The following SRSF7 variants were observed in gnomAD, a reference collection of about 807,000 sequenced individuals.
SRSF7 encodes serine and arginine rich splicing factor 7.
SRSF7 carries 15 observed loss-of-function variants against 42.2 expected under a neutral mutation model. That is an observed-to-expected ratio of 0.36 (90% confidence interval 0.24 to 0.55). SRSF7 has a LOEUF of 0.55. Among genes scored for constraint, SRSF7 ranks in the 20% least tolerant of loss-of-function variants. The pLI, the probability that SRSF7 is intolerant of heterozygous loss-of-function variation, is 0.88. For missense variants in SRSF7, 181 were observed against 305.9 expected (o/e 0.59, Z 3.04); for synonymous variants, 138 against 107.9 (o/e 1.28, Z -1.73).
intron 6 of SRSF7, 44 bp from the exon 7 acceptor site, chr2:38,746,223 A>G (rs754875989): frequency 1.2e-6 from 2 of 1,604,554 alleles, no homozygotes; most frequent in East Asian, 4.5e-5. Context: ...AGTACTAACC[A>G]ATCCCTTTCT....
chr2:38,748,025 A>G, intron 5 of SRSF7, 22 bp downstream of exon 5: 1 of 1,559,828 alleles, frequency 6.4e-7, no homozygotes, highest in Non-Finnish European at 8.8e-7. Context: ...AAACACAAGT[A>G]AGGAAAAAAA....
chr2:38,748,028 G>C lies in SRSF7; in HGVS notation c.572+19C>G. 1 of 1,578,208 alleles carries C rather than the reference G, an allele frequency of 6.3e-7. No individual in the cohort carries two copies. The highest frequency in any genetic ancestry group is 1.3e-5 in the African/African-American group (1 of 74,274). ...TGTGAACAATCCAAACACAAGTAAG[G>C]AAAAAAAGTGTTACATACTGGAAAT... On this transcript the variant is annotated intron_variant, in intron 5 of 7. Coordinates refer to ENST00000313117, the MANE Select transcript of SRSF7 (RefSeq NM_001031684.3).
intron 5 of SRSF7, 25 bp from the exon 6 acceptor site, chr2:38,746,772 A>T (rs1357984260): frequency 6.2e-7 from 1 of 1,612,836 alleles, no homozygotes; most frequent in Non-Finnish European, 8.5e-7. Context: ...TGAAAAACAC[A>T]ATTATATCAA....
At chr2:38,747,200 A>G in intron 5 of SRSF7, 2 of 406,338 alleles carry the variant, frequency 4.9e-6, no homozygotes, top group South Asian at 1.7e-5. Flanking sequence ...AGACGAAAAG[A>G]AAGCCGCCCC....
chr2:38,747,784 A>G (rs572306801), intron 5 of SRSF7, among the ~76,000 whole-genome samples: 8 of 152,340 alleles, frequency 5.3e-5, no homozygotes, highest in African/African-American at 1.9e-4. Flanking sequence ...TTATAGCAAC[A>G]TGCCTACCCA....
intron 1 of SRSF7, chr2:38,750,924 G>T (rs1007246765): frequency 5.8e-6 from 2 of 346,932 alleles, no homozygotes; most frequent in South Asian, 3.3e-5. Context: ...CGCCGAGGGC[G>T]GGGGGGGAGG....
At chr2:38,745,512 A>G (rs1349002167) in intron 7 of SRSF7, among the ~76,000 whole-genome samples, 2 of 152,094 alleles carry the variant, frequency 1.3e-5, no homozygotes, top group Non-Finnish European at 2.9e-5. Flanking sequence ...AAAATTAGCC[A>G]GGCTTGGCGG....
At chr2:38,749,144 T>C in intron 3 of SRSF7, 2 of 1,318,446 alleles carry the variant, frequency 1.5e-6, no homozygotes, top group South Asian at 2.5e-5. Context: ...AATTTACTGT[T>C]ACGGCGATCA....
In SRSF7 at chr2:38,750,181, A is replaced by G; in HGVS notation, c.42T>C (p.Tyr14=). The change falls in exon 2 of 8, where the codon TAT becomes TAC. Residue 14 remains tyrosine (Y), a synonymous_variant. Transcript: ENST00000313117. ...CAGCGCCAGTTCCCAGGTTACCAAC[A>G]TACACCTTGGTTTCTGTTTAAAAAC... is the stretch of plus-strand genomic sequence containing the variant. ...YGRYGGETKV[Y]VGNLGTGAGK... The G allele has an allele frequency of 1.2e-6, 2 of 1,601,532 alleles. No homozygotes were observed. Among genetic ancestry groups the G allele is most frequent in the Non-Finnish European group, 1.7e-6 (2 of 1,176,406 alleles).
intron 7 of SRSF7, among the ~76,000 whole-genome samples, chr2:38,745,796 AAAG>A (rs1667295721): frequency 6.6e-6 from 1 of 152,206 alleles, no homozygotes; most frequent in African/African-American, 2.4e-5. Flanking sequence ...TTCTGGTCAT[AAAG>A]AAGCACTAGG....
chr2:38,744,899 TAG>T lies in SRSF7; in HGVS notation c.*232_*233del. ...ATTGAACACAAATCAAAAATCTAGTTAGAAACATTTTATTTAAATGTGCCAAA... is the reference window on the plus strand; with the variant it reads ...ATTGAACACAAATCAAAAATCTAGTTAAACATTTTATTTAAATGTGCCAAA... On this transcript the variant is annotated 3_prime_UTR_variant, in exon 8 of 8. Transcript: ENST00000313117. 6.6e-6 allele frequency: 3 copies of T among 455,634 alleles called. No individual in the cohort carries two copies. Among genetic ancestry groups the T allele is most frequent in the African/African-American group, 3.9e-5 (2 of 51,046 alleles). The allele number at this position is 455,634 out of a possible 1,614,324, so 28.2% of individuals were successfully genotyped here. A position where few individuals can be genotyped will look rare whatever the true frequency, so the allele number is the denominator to read the frequency against.
intron 7 of SRSF7, among the ~76,000 whole-genome samples, chr2:38,745,634 G>A (rs1186076001): frequency 1.3e-5 from 2 of 151,572 alleles, no homozygotes; most frequent in African/African-American, 2.4e-5. Context: ...CAAGCCTGGG[G>A]ACAGAGCGAA....
chr2:38,744,889 A>C lies in SRSF7; in HGVS notation c.*244T>G. 5 of 452,162 alleles carry C rather than the reference A, an allele frequency of 1.1e-5. No homozygotes were observed. Among genetic ancestry groups the C allele is most frequent in the Non-Finnish European group, 2.0e-5 (5 of 254,702 alleles). 28.0% of individuals were successfully genotyped at this position (452,162 alleles called of 1,614,324 possible). A position where few individuals can be genotyped will look rare whatever the true frequency, so the allele number is the denominator to read the frequency against. ...AAGTGTTAATATTGAACACAAATCA[A>C]AAATCTAGTTAGAAACATTTTATTT... On this transcript the variant is annotated 3_prime_UTR_variant, in exon 8 of 8. Transcript: ENST00000313117.
Position 38,748,165 on chromosome 2 carries a change from A to T in SRSF7, c.462-8T>A. Reference sequence around the variant, plus strand: ...GGAGATGCTGACCTTGACCTAAAATAAAGAACTTTAAGTCCATCTCCACAG... The same window carrying T: ...GGAGATGCTGACCTTGACCTAAAATTAAGAACTTTAAGTCCATCTCCACAG... On this transcript the variant is annotated splice_polypyrimidine_tract_variant and splice_region_variant and intron_variant, in intron 4 of 7. Coordinates refer to ENST00000313117, the MANE Select transcript of SRSF7 (RefSeq NM_001031684.3). The T allele has an allele frequency of 6.2e-7, 1 of 1,605,142 alleles. No individual in the cohort carries two copies. Among genetic ancestry groups the T allele is most frequent in the Non-Finnish European group, 8.5e-7 (1 of 1,176,120 alleles).
upstream of SRSF7, chr2:38,751,475 CG>C: frequency 1.7e-6 from 1 of 605,880 alleles, no homozygotes; most frequent in South Asian, 1.9e-5. Flanking sequence ...AGAAACGACG[CG>C]GAAGGAACTG....
chr2:38,745,409 T>C (rs372356824), intron 7 of SRSF7, among the ~76,000 whole-genome samples: 2 of 152,194 alleles, frequency 1.3e-5, no homozygotes, highest in East Asian at 3.9e-4. Context: ...CCCCAGCACT[T>C]TGGGAGAGGC....
chr2:38,747,634 A>G (rs1036964529), intron 5 of SRSF7, among the ~76,000 whole-genome samples: 2 of 151,940 alleles, frequency 1.3e-5, no homozygotes, highest in Non-Finnish European at 2.9e-5. Context: ...CAGTGTCTCA[A>G]ATCAACCCCA....
At position 38,751,317 on chromosome 2, in the gene SRSF7, A is replaced by G; in HGVS notation, c.-61T>C. The G allele has an allele frequency of 4.3e-4, 695 of 1,611,386 alleles. 1 individual carries two copies. The highest frequency in any genetic ancestry group is 5.5e-4 in the Non-Finnish European group (651 of 1,178,278). On this transcript the variant is annotated 5_prime_UTR_variant, in exon 1 of 8. Transcript: ENST00000313117. ...AGCGCCCAGGGCTCGAGTGACGCAA[A>G]AGCTGACACACACCTTCACCCGCCA...
At chr2:38,745,375 A>T (rs1667209328) in intron 7 of SRSF7, among the ~76,000 whole-genome samples, 188 bp from the exon 8 acceptor site, 1 of 152,232 alleles carries the variant, frequency 6.6e-6, no homozygotes, top group Admixed American at 6.5e-5. Flanking sequence ...TACCCTGGCC[A>T]GGCACGGTGG....
Sources: allele counts gnomAD v4.1 joint callset (sites outside exome capture counted in the v4.1 genomes callset), GRCh38; gene constraint gnomAD v4.1.1; transcripts MANE v1.5; gene names NCBI Gene and HGNC (gene_info 2026-07-23, HGNC 2026-07-21).